IL4R: variants seen among roughly 807,000 people sequenced by gnomAD.
IL4R encodes the protein interleukin 4 receptor.
Under a neutral mutation model 41.5 loss-of-function variants are expected in IL4R, and 17 were observed. The ratio of observed to expected loss-of-function variants is 0.41; its 90% confidence interval spans 0.28 to 0.61. The LOEUF is 0.61. Ranked by LOEUF, IL4R falls within the 20% of genes least tolerant of loss-of-function variation. The probability of loss-of-function intolerance (pLI) is 0.31; values close to 1 mark genes in which losing one functional copy is unlikely to be tolerated. For synonymous variants in IL4R, 402 were observed against 422.9 expected, an observed-to-expected ratio of 0.95 and a Z score of 0.61; for missense variants, 974 against 1,043.1, an observed-to-expected ratio of 0.93 and a Z score of 0.91.
Position 27,355,904 on chromosome 16 carries a change from C to G in IL4R, c.767C>G (p.Thr256Ser), listed in dbSNP as rs1217221003. 1 of 1,609,664 alleles carries G rather than the reference C, an allele frequency of 6.2e-7. No homozygotes were observed. The highest frequency in any genetic ancestry group is 2.2e-5 in the East Asian group (1 of 44,866). ...TGCCTGTTGTGCTATGTCAGCATCA[C>G]CAAGTGAGTCCTGGGCCCAGTGCTG... ...AVCLLCYVSI[T>S]KIKKEWWDQI... Residue 256 changes from threonine (T) to serine (S), a missense_variant, in exon 8 of 11, where the codon ACC (threonine) becomes AGC (serine). Physicochemically the swap from Thr to Ser is moderately conservative, Grantham distance 58. Transcript: ENST00000395762.
At chr16:27,346,332 G>A (rs532033730) in intron 5 of IL4R, 135 bp from the exon 6 acceptor site, 1 of 678,030 alleles carries the variant, frequency 1.5e-6, no homozygotes, top group Non-Finnish European at 2.6e-6. Context: ...AATCTGTGTG[G>A]TGCTCCAGAA....
chr16:27,342,372 C>T, intron 4 of IL4R, 113 bp downstream of exon 4: 1 of 1,328,366 alleles, frequency 7.5e-7, no homozygotes, highest in Non-Finnish European at 1.1e-6. Context: ...GTATGGTTTG[C>T]TGCTGTTTAT....
intron 7 of IL4R, among the ~76,000 whole-genome samples, chr16:27,353,195 C>T (rs2085940197): frequency 6.6e-6 from 1 of 152,200 alleles, no homozygotes; most frequent in African/African-American, 2.4e-5. Context: ...TGGTGGCATG[C>T]ACCTGTAGTC....
intron 10 of IL4R, 35 bp from the exon 11 acceptor site, chr16:27,362,217 C>A: frequency 6.3e-7 from 1 of 1,597,710 alleles, no homozygotes; most frequent in South Asian, 1.1e-5. Context: ...TTTCAAGTGT[C>A]GAAACTGAAC....
intron 6 of IL4R, among the ~76,000 whole-genome samples, chr16:27,351,061 C>G (rs1445979019): frequency 6.6e-6 from 1 of 152,202 alleles, no homozygotes; most frequent in Non-Finnish European, 1.5e-5. Flanking sequence ...GCCAGGTTCT[C>G]TGCTTTAGAG....
intron 1 of IL4R, among the ~76,000 whole-genome samples, chr16:27,325,422 A>C (rs1024421725): frequency 1.3e-5 from 2 of 151,942 alleles, no homozygotes; most frequent in Non-Finnish European, 2.9e-5. Context: ...AAATACAAAA[A>C]AATTAGCTGG....
rs183058869 is a variant in IL4R at position 27,359,978 on chromosome 16, G to A, written c.850-788G>A. Among the ~76,000 whole-genome samples, 405 of 151,674 alleles carry A rather than the reference G, an allele frequency of 2.7e-3. 2 individuals are homozygous for A. Among genetic ancestry groups the A allele is most frequent in the African/African-American group, 9.3e-3 (383 of 41,284 alleles). On this transcript the variant is annotated intron_variant, in intron 9 of 10. Coordinates refer to ENST00000395762, the MANE Select transcript of IL4R (RefSeq NM_000418.4). ...GGGCAGATCTGAATTGAGCTGACCCGTCCCCGTAGCCTCCCTCCGTGTCTG... is the reference window on the plus strand; with the variant it reads ...GGGCAGATCTGAATTGAGCTGACCCATCCCCGTAGCCTCCCTCCGTGTCTG...
chr16:27,314,861 T>C (rs2084591166), intron 1 of IL4R, among the ~76,000 whole-genome samples: 1 of 152,324 alleles, frequency 6.6e-6, no homozygotes, highest in Non-Finnish European at 1.5e-5. Context: ...TTTTTAAAAA[T>C]TTATTTTATA....
rs543167942 is a variant in IL4R at position 27,345,000 on chromosome 16, C to T, written c.341C>T (p.Ser114Phe). Reference sequence around the variant, plus strand: ...GGGCAGCAGCTGCTGTGGAAGGGCTCCTTCAAGCCCAGCGAGCATGGTGAG... The same window carrying T: ...GGGCAGCAGCTGCTGTGGAAGGGCTTCTTCAAGCCCAGCGAGCATGGTGAG... ...WAGQQLLWKG[S>F]FKPSEHVKPR... The change falls in exon 5 of 11, where the codon TCC (serine) becomes TTC (phenylalanine). Residue 114 changes from serine (S) to phenylalanine (F), a missense_variant. Physicochemically the swap from Ser to Phe is radical, Grantham distance 155. Coordinates refer to ENST00000395762, the MANE Select transcript of IL4R (RefSeq NM_000418.4). 161 of 1,613,516 alleles carry T rather than the reference C, an allele frequency of 1.0e-4. 4 individuals are homozygous for T. In the South Asian group the frequency reaches 1.2e-3, roughly 12 times the overall value.
chr16:27,362,172 AT>A (rs2086318292), intron 10 of IL4R, 79 bp from the exon 11 acceptor site: 2 of 1,402,484 alleles, frequency 1.4e-6, no homozygotes, highest in Admixed American at 3.7e-5. Context: ...GGACATGGTG[AT>A]TTCAGGCTGG....
chr16:27,351,075 C>T (rs1372527836), intron 6 of IL4R, among the ~76,000 whole-genome samples: 5 of 152,134 alleles, frequency 3.3e-5, no homozygotes, highest in African/African-American at 4.8e-5. Context: ...TTTAGAGTCT[C>T]GTGAGGCTAT....
chr16:27,329,326 T>G (rs1440736390), intron 1 of IL4R, among the ~76,000 whole-genome samples: 1 of 152,152 alleles, frequency 6.6e-6, no homozygotes, highest in African/African-American at 2.4e-5. Context: ...CAGATATTTC[T>G]TTATAGCAAT....
chr16:27,314,214 G>T (rs992836957), intron 1 of IL4R, 194 bp downstream of exon 1: 2 of 658,020 alleles, frequency 3.0e-6, no homozygotes, highest in Admixed American at 6.3e-5. Flanking sequence ...GAACGGCAGC[G>T]GAGGCGCGAG....
chr16:27,331,949 T>C (rs906210428), intron 2 of IL4R, among the ~76,000 whole-genome samples: 2 of 152,074 alleles, frequency 1.3e-5, no homozygotes, highest in Non-Finnish European at 2.9e-5. Flanking sequence ...CGAATCATTA[T>C]ATAGTGCCAC....
chr16:27,358,962 C>G lies in IL4R; in HGVS notation c.817C>G (p.Arg273Gly), dbSNP rs776533558. ...TCAGATTCCCAACCCAGCCCGCAGC[C>G]GCCTCGTGGCTATAATAATCCAGGA... ...WDQIPNPARSRLVAIIIQDAQ... is the reference protein window; with the variant it reads ...WDQIPNPARSGLVAIIIQDAQ... The change falls in exon 9 of 11, where the codon CGC (arginine) becomes GGC (glycine). Residue 273 changes from arginine to glycine, a missense_variant. Arg to Gly is a moderately radical substitution (Grantham distance 125). Transcript: ENST00000395762. 1 of 1,613,948 alleles carries G rather than the reference C, an allele frequency of 6.2e-7. No individual in the cohort carries two copies. The highest frequency in any genetic ancestry group is 1.1e-5 in the South Asian group (1 of 91,066).
intron 1 of IL4R, among the ~76,000 whole-genome samples, chr16:27,319,780 C>T (rs548332452): frequency 2.0e-5 from 3 of 152,324 alleles, no homozygotes; most frequent in Non-Finnish European, 2.9e-5. Flanking sequence ...CAAGCTCGGC[C>T]ACCTGTCAGG....
chr16:27,356,144 T>A (rs2053042955), intron 8 of IL4R, among the ~76,000 whole-genome samples: 1 of 147,086 alleles, frequency 6.8e-6, no homozygotes, highest in African/African-American at 2.6e-5. Flanking sequence ...CAGGCTGGAG[T>A]ATAGTGGCAC....
At chr16:27,325,728 T>C (rs552244965) in intron 1 of IL4R, among the ~76,000 whole-genome samples, 1 of 152,154 alleles carries the variant, frequency 6.6e-6, no homozygotes, top group East Asian at 1.9e-4. Flanking sequence ...CATGCTCACT[T>C]ATTGAGTGCC....
intron 1 of IL4R, among the ~76,000 whole-genome samples, chr16:27,319,825 C>G (rs1024993918): frequency 6.6e-6 from 1 of 152,172 alleles, no homozygotes; most frequent in African/African-American, 2.4e-5. Context: ...CACAGGAGCA[C>G]AAACCCTTTT....
Sources: gnomAD v4.1 joint callset for allele counts (sites outside exome capture counted in the v4.1 genomes callset) on GRCh38, gnomAD v4.1.1 for gene constraint, MANE v1.5 for transcripts, NCBI Gene and HGNC (gene_info 2026-07-23, HGNC 2026-07-21) for gene names.